BOD1L1: variants seen among roughly 807,000 people sequenced by gnomAD.
The protein encoded by BOD1L1 is biorientation of chromosomes in cell division protein 1-like 1.
In BOD1L1, 86 loss-of-function variants were observed where a neutral mutation model predicts 240.7. The observed-to-expected ratio is 0.36, with a 90% CI of 0.30 to 0.43. BOD1L1 has a LOEUF of 0.43. BOD1L1 is among the 20% of genes least tolerant of loss of function. The probability of loss-of-function intolerance (pLI) is 1.00; values close to 1 mark genes in which losing one functional copy is unlikely to be tolerated. For synonymous variants in BOD1L1, 1,268 were observed against 1,272.3 expected, an observed-to-expected ratio of 1.00 and a Z score of 0.07; for missense variants, 3,554 against 3,643.5, an observed-to-expected ratio of 0.98 and a Z score of 0.63.
chr4:13,603,365 G>T lies in BOD1L1; in HGVS notation c.3535C>A (p.Pro1179Thr), dbSNP rs2108954978. The change falls in exon 10 of 26, where the codon CCA (proline) becomes ACA (threonine). Residue 1179 changes from proline to threonine, a missense_variant. Pro to Thr is a conservative substitution (Grantham distance 38). Transcript: ENST00000040738. ...TCTADSKATA[P>T]AYKPGRGTGV... ...GTTCCACGGCCTGGCTTATAAGCTG[G>T]AGCTGTTGCTTTTGAATCTGCTGTG... is the stretch of plus-strand genomic sequence containing the variant. 1 of 1,613,946 alleles carries T rather than the reference G, an allele frequency of 6.2e-7. No individual in the cohort carries two copies. Among genetic ancestry groups the T allele is most frequent in the South Asian group, 1.1e-5 (1 of 91,070 alleles).
chr4:13,587,116 A>G (rs1381522374), intron 16 of BOD1L1, among the ~76,000 whole-genome samples: 1 of 152,236 alleles, frequency 6.6e-6, no homozygotes, highest in African/African-American at 2.4e-5. Flanking sequence ...ACTGTTCAAC[A>G]TGATAGTCAC....
intron 5 of BOD1L1, among the ~76,000 whole-genome samples, chr4:13,612,829 T>C (rs10939494): frequency 0.55 from 83,611 of 151,988 alleles, 26,905 homozygotes; most frequent in East Asian, 0.96. Flanking sequence ...GAGACTGAGA[T>C]CAGCCATATG....
At chr4:13,598,818 G>GA (rs1216576722) in intron 10 of BOD1L1, 128 bp downstream of exon 10, 1 of 1,010,326 alleles carries the variant, frequency 9.9e-7, no homozygotes, top group Non-Finnish European at 1.4e-6. Context: ...TATGATATGA[G>GA]AAAAAAATTT....
chr4:13,611,886 A>G (rs1285831162), intron 5 of BOD1L1, among the ~76,000 whole-genome samples: 3 of 152,200 alleles, frequency 2.0e-5, no homozygotes, highest in Non-Finnish European at 4.4e-5. Context: ...GCTTTGACAC[A>G]GCAAGAAGAA....
In BOD1L1 at chr4:13,613,058, A is replaced by C. The variant is rs1372256470; in HGVS notation, c.1324+454T>G. On this transcript the variant is annotated intron_variant, in intron 5 of 25. Transcript: ENST00000040738. The surrounding 1 kb of genome is among the most constrained non-coding windows in gnomAD (Gnocchi z 4.0). ...GGCTGATTTTAATCTGAGCACCTTA[A>C]CTGTAAACAACCATAGCTGTGAGTA... is the stretch of plus-strand genomic sequence containing the variant. Among the ~76,000 whole-genome samples the C allele has an allele frequency of 1.3e-5, 2 of 152,160 alleles. No homozygotes were observed. The highest frequency in any genetic ancestry group is 2.9e-5 in the Non-Finnish European group (2 of 68,026).
At chr4:13,605,931 C>T (rs971934421) in intron 9 of BOD1L1, among the ~76,000 whole-genome samples, 1 of 152,138 alleles carries the variant, frequency 6.6e-6, no homozygotes, top group African/African-American at 2.4e-5. Flanking sequence ...TGGTTTGGCA[C>T]TAAGTAGGCG....
At position 13,603,079 on chromosome 4, in the gene BOD1L1, T is replaced by G; in HGVS notation, c.3821A>C (p.His1274Pro). The G allele has an allele frequency of 6.2e-7, 1 of 1,614,010 alleles. No individual in the cohort carries two copies. Among genetic ancestry groups the G allele is most frequent in the Non-Finnish European group, 8.5e-7 (1 of 1,179,870 alleles). Reference protein sequence around the residue: ...HVAQGDATLEHSTNLDSSPSL... With the variant: ...HVAQGDATLEPSTNLDSSPSL... ...TGGTGAGGAGTCTAAATTTGTGGAA[T>G]GTTCAAGAGTGGCATCTCCTTGAGC... Residue 1274 changes from histidine to proline, a missense_variant, in exon 10 of 26, where the codon CAT becomes CCT. By Grantham distance (77) the His-to-Pro change is moderately conservative. Transcript: ENST00000040738.
chr4:13,609,067 AC>A (rs1462400291), intron 7 of BOD1L1, among the ~76,000 whole-genome samples: 16 of 152,308 alleles, frequency 1.1e-4, no homozygotes, highest in Admixed American at 9.1e-4. Flanking sequence ...TATACTGCTA[AC>A]AAATGAGTTG....
At chr4:13,579,845 TG>T in intron 22 of BOD1L1, 82 bp downstream of exon 22, 1 of 1,114,390 alleles carries the variant, frequency 9.0e-7, no homozygotes, top group Non-Finnish European at 1.3e-6. Context: ...AGAGGCAGAA[TG>T]GAAGTTCCAA....
Position 13,603,232 on chromosome 4 carries a change from G to A in BOD1L1, c.3668C>T (p.Pro1223Leu), listed in dbSNP as rs749503453. ...CACTTCAGTAGTTCCTCTATGAATG[G>A]GTTCTTTCTCCCCAGGGTTCATTTT... ...VSKMNPGEKEPIHRGTTEVNI... is the reference protein window; with the variant it reads ...VSKMNPGEKELIHRGTTEVNI... The change falls in exon 10 of 26, where the codon CCC becomes CTC. Residue 1223 changes from proline (P) to leucine (L), a missense_variant. Physicochemically the swap from Pro to Leu is moderately conservative, Grantham distance 98. Transcript: ENST00000040738. 6.2e-7 allele frequency: 1 copy of A among 1,613,772 alleles called. No homozygotes were observed. Among genetic ancestry groups the A allele is most frequent in the Admixed American group, 1.7e-5 (1 of 59,984 alleles).
At chr4:13,607,055 A>G (rs1715765566) in intron 9 of BOD1L1, 62 bp downstream of exon 9, 2 of 1,110,056 alleles carry the variant, frequency 1.8e-6, no homozygotes, top group Non-Finnish European at 2.5e-6. Context: ...TTTTACTCCA[A>G]AGGAATAAAC....
At position 13,602,901 on chromosome 4, in the gene BOD1L1, C is replaced by A; in HGVS notation, c.3999G>T (p.Arg1333Ser). ...CACTTGTCTTAAGGACTTCTGATTC[C>A]CTAACAGTCAGACTTTGGTTAGGGA... ...SALPNQSLTVRESEVLKTSDS... is the reference protein window; with the variant it reads ...SALPNQSLTVSESEVLKTSDS... Residue 1333 changes from arginine to serine, a missense_variant, in exon 10 of 26, where the codon AGG becomes AGT. Physicochemically the swap from Arg to Ser is moderately radical, Grantham distance 110. Transcript: ENST00000040738. 1 of 1,613,996 alleles carries A rather than the reference C, an allele frequency of 6.2e-7. No homozygotes were observed. Among genetic ancestry groups the A allele is most frequent in the Non-Finnish European group, 8.5e-7 (1 of 1,179,890 alleles).
intron 17 of BOD1L1, among the ~76,000 whole-genome samples, chr4:13,584,421 G>A (rs1448594122): frequency 2.1e-5 from 3 of 146,242 alleles, no homozygotes; most frequent in Admixed American, 7.0e-5. Flanking sequence ...CGTGTGTGGC[G>A]GGGAGAGAAA....
At chr4:13,588,688 A>T in intron 15 of BOD1L1, 34 bp downstream of exon 15, 1 of 1,485,922 alleles carries the variant, frequency 6.7e-7, no homozygotes, top group African/African-American at 1.4e-5. Flanking sequence ...TATTATGTAT[A>T]AAATATCAAA....
chr4:13,592,534 G>T (rs1425054828), intron 12 of BOD1L1: 1 of 152,176 alleles, frequency 6.6e-6, no homozygotes, highest in African/African-American at 2.4e-5. Context: ...ATATAACTGT[G>T]GGAACAACGG....
chr4:13,575,416 T>A (rs554838743), intron 25 of BOD1L1, among the ~76,000 whole-genome samples: 16 of 152,300 alleles, frequency 1.1e-4, no homozygotes, highest in African/African-American at 3.8e-4. Context: ...AGAGTCTCAC[T>A]GTCACCCAGG....
chr4:13,622,207 C>G (rs1717091004), intron 1 of BOD1L1, among the ~76,000 whole-genome samples: 1 of 152,140 alleles, frequency 6.6e-6, no homozygotes, highest in African/African-American at 2.4e-5. Context: ...GATTCTAAAG[C>G]CTAATTCTTC....
At chr4:13,597,897 A>T (rs1411884465) in intron 10 of BOD1L1, among the ~76,000 whole-genome samples, 2 of 152,212 alleles carry the variant, frequency 1.3e-5, no homozygotes, top group Non-Finnish European at 2.9e-5. Flanking sequence ...AACAAGACTA[A>T]ATCTATTAGC....
At chr4:13,594,439 A>G (rs567281819) in intron 12 of BOD1L1, among the ~76,000 whole-genome samples, 5 of 152,356 alleles carry the variant, frequency 3.3e-5, no homozygotes, top group African/African-American at 1.2e-4. Flanking sequence ...TCCTTAAGCC[A>G]GTATGGTCCA....
Sources: allele counts gnomAD v4.1 joint callset (sites outside exome capture counted in the v4.1 genomes callset), GRCh38; gene constraint gnomAD v4.1.1; non-coding constraint Gnocchi (gnomAD v3.1); transcripts MANE v1.5; gene names NCBI Gene and HGNC (gene_info 2026-07-23, HGNC 2026-07-21).